CCDC15: variants seen among roughly 807,000 people sequenced by gnomAD.
CCDC15 encodes the protein coiled-coil domain containing 15.
CCDC15 carries 105 observed loss-of-function variants against 114.5 expected under a neutral mutation model. The ratio of observed to expected loss-of-function variants is 0.92; its 90% CI spans 0.78 to 1.08. CCDC15 has a LOEUF of 1.08. Ranked by LOEUF, CCDC15 falls within the 50% of genes least tolerant of loss-of-function variation. CCDC15 has a pLI of 0.00. For synonymous variants in CCDC15, 334 were observed against 377.8 expected (o/e 0.88, Z 1.34); for missense variants, 1,105 against 1,093.6 (o/e 1.01, Z -0.15).
At chr11:124,991,732 G>A (rs1948272557) in intron 9 of CCDC15, 149 bp downstream of exon 9, 2 of 661,564 alleles carry the variant, frequency 3.0e-6, no homozygotes, top group East Asian at 3.0e-5. Flanking sequence ...CGCCCAGGCT[G>A]GAGTGCAGTG....
rs1398098113 is a variant in CCDC15, at chr11:124,986,903, GAAATT to G, written c.900+23_900+27del. The G allele has an allele frequency of 2.0e-6, 3 of 1,527,760 alleles. No individual in the cohort carries two copies. The highest frequency in any genetic ancestry group is 2.6e-6 in the Non-Finnish European group (3 of 1,138,656). The allele number at this position is 1,527,760 out of a possible 1,614,324, so 94.6% of individuals were successfully genotyped here. A position where few individuals can be genotyped will look rare whatever the true frequency, so the allele number is the denominator to read the frequency against. ...GCAGAGTTCAGGTAAAGCAATAAGAGAAATTAAATTAATTGTGATTTGGACTAGGT... is the reference window on the plus strand; with the variant it reads ...GCAGAGTTCAGGTAAAGCAATAAGAGAAATTAATTGTGATTTGGACTAGGT... On this transcript the variant is annotated intron_variant, in intron 7 of 15. Coordinates refer to ENST00000344762, the MANE Select transcript of CCDC15 (RefSeq NM_025004.3).
intron 2 of CCDC15, among the ~76,000 whole-genome samples, chr11:124,957,761 C>T (rs529975197): frequency 6.6e-6 from 1 of 152,130 alleles, no homozygotes; most frequent in Non-Finnish European, 1.5e-5. Flanking sequence ...GAAATTTTAA[C>T]TTAAATTGAA....
intron 13 of CCDC15, among the ~76,000 whole-genome samples, chr11:125,037,673 C>A (rs569138735): frequency 8.4e-4 from 128 of 152,226 alleles, no homozygotes; most frequent in Non-Finnish European, 1.7e-3. Flanking sequence ...ATAGGGTTTA[C>A]TTCACTTGTT....
intron 6 of CCDC15, among the ~76,000 whole-genome samples, chr11:124,982,174 T>C (rs1948082633): frequency 6.6e-6 from 1 of 152,202 alleles, no homozygotes; most frequent in Non-Finnish European, 1.5e-5. Flanking sequence ...ACTTTGAGCC[T>C]ATTGGTGTCA....
rs1253489000 is a variant in CCDC15, at chr11:124,958,981, C to T, written c.178-134C>T. 1.3e-5 allele frequency: 7 copies of T among 540,834 alleles called. No homozygotes were observed. The South Asian group carries it at 1.3e-4, about 10-fold the overall frequency. The allele number at this position is 540,834 out of a possible 1,614,324, so 33.5% of individuals were successfully genotyped here. On this transcript the variant is annotated intron_variant, in intron 2 of 15. Coordinates refer to ENST00000344762, the MANE Select transcript of CCDC15 (RefSeq NM_025004.3). ...ATTTAAGATTTGATACTCATACATTCCATTTTTTTTTGTACAGAATGGAAT... is the reference window on the plus strand; with the variant it reads ...ATTTAAGATTTGATACTCATACATTTCATTTTTTTTTGTACAGAATGGAAT...
chr11:125,004,783 T>A (rs1240801234), intron 12 of CCDC15, among the ~76,000 whole-genome samples: 1 of 152,116 alleles, frequency 6.6e-6, no homozygotes, highest in Non-Finnish European at 1.5e-5. Context: ...TTATGAAATA[T>A]CTTCTACATT....
intron 13 of CCDC15, among the ~76,000 whole-genome samples, chr11:125,005,723 A>G (rs73620916): frequency 0.014 from 2,175 of 152,024 alleles, 31 homozygotes; most frequent in African/African-American, 0.047. Flanking sequence ...CTCCCTCTTT[A>G]CACCCTATCC....
chr11:124,965,021 T>G (rs1236239778), intron 4 of CCDC15, among the ~76,000 whole-genome samples: 1 of 152,214 alleles, frequency 6.6e-6, no homozygotes, highest in Admixed American at 6.5e-5. Flanking sequence ...AGCTTTTTGA[T>G]GTGCTGCTGG....
chr11:125,022,164 A>G (rs544330663), intron 13 of CCDC15, among the ~76,000 whole-genome samples: 1 of 151,934 alleles, frequency 6.6e-6, no homozygotes, highest in Non-Finnish European at 1.5e-5. Context: ...AGAGAGCAAG[A>G]TGACATATAT....
At chr11:125,022,720 A>G (rs960781207) in intron 13 of CCDC15, among the ~76,000 whole-genome samples, 1 of 151,966 alleles carries the variant, frequency 6.6e-6, no homozygotes, top group Non-Finnish European at 1.5e-5. Flanking sequence ...TCACCAGCAC[A>G]TGCTTTATTG....
At chr11:125,030,697 A>T (rs1353263129) in intron 13 of CCDC15, among the ~76,000 whole-genome samples, 4 of 152,044 alleles carry the variant, frequency 2.6e-5, no homozygotes, top group Non-Finnish European at 4.4e-5. Flanking sequence ...CAAATTGGGC[A>T]CTCAGCAGTG....
At chr11:125,000,679 A>G (rs1948464880) in intron 11 of CCDC15, among the ~76,000 whole-genome samples, 1 of 152,204 alleles carries the variant, frequency 6.6e-6, no homozygotes, top group Admixed American at 6.5e-5. Context: ...TCACATTAAC[A>G]TTTTGCTGTA....
intron 13 of CCDC15, among the ~76,000 whole-genome samples, chr11:125,018,025 GA>G (rs1948639721): frequency 6.6e-6 from 1 of 151,938 alleles, no homozygotes; most frequent in African/African-American, 2.4e-5. Flanking sequence ...ATTTATTATT[GA>G]AGAAAGAAAA....
At chr11:124,991,171 A>C (rs1199615017) in intron 8 of CCDC15, among the ~76,000 whole-genome samples, 2 of 152,232 alleles carry the variant, frequency 1.3e-5, no homozygotes, top group African/African-American at 4.8e-5. Context: ...GATGTCCATC[A>C]GGATCTTCTA....
intron 13 of CCDC15, among the ~76,000 whole-genome samples, chr11:125,023,267 T>C (rs1373164138): frequency 6.6e-6 from 1 of 152,020 alleles, no homozygotes; most frequent in Admixed American, 6.6e-5. Context: ...TTTCTGTGTT[T>C]GTCACAAATC....
chr11:124,993,648 A>G (rs1227618611), intron 11 of CCDC15, among the ~76,000 whole-genome samples: 1 of 152,190 alleles, frequency 6.6e-6, no homozygotes, highest in Non-Finnish European at 1.5e-5. Flanking sequence ...TTTTACATGA[A>G]ATCCAAGATC....
At chr11:124,964,576 T>C (rs1418016774) in intron 4 of CCDC15, among the ~76,000 whole-genome samples, 1 of 152,208 alleles carries the variant, frequency 6.6e-6, no homozygotes, top group African/African-American at 2.4e-5. Context: ...TACAATCATG[T>C]CATCTGCAAA....
chr11:125,032,566 C>T (rs1434395174), intron 13 of CCDC15, among the ~76,000 whole-genome samples: 1 of 152,156 alleles, frequency 6.6e-6, no homozygotes, highest in Non-Finnish European at 1.5e-5. Context: ...CTTTCGAGTC[C>T]TTATGGTGGC....
At position 124,989,338 on chromosome 11, in the gene CCDC15, C is replaced by T. The variant is rs117571223; in HGVS notation, c.1908+1204C>T. Among the ~76,000 whole-genome samples, 56 of 152,332 alleles carry T rather than the reference C, an allele frequency of 3.7e-4. No homozygotes were observed. The East Asian group carries it at 0.011, about 29-fold the overall frequency. ...AGTGTAAAATATTCTGTAAAACATG[C>T]TGTAAACAGATGTGCTGTCATCTTG... On this transcript the variant is annotated intron_variant, in intron 8 of 15. Transcript: ENST00000344762.
Sources: allele counts gnomAD v4.1 joint callset (sites outside exome capture counted in the v4.1 genomes callset), GRCh38; gene constraint gnomAD v4.1.1; transcripts MANE v1.5; gene names NCBI Gene and HGNC (gene_info 2026-07-23, HGNC 2026-07-21).